The following SNTG1 variants were observed in gnomAD, a reference collection of about 807,000 sequenced individuals.
The protein encoded by SNTG1 is gamma-1-syntrophin.
Under a neutral mutation model 74.7 loss-of-function variants are expected in SNTG1, and 39 were observed. The observed-to-expected ratio is 0.52, with a 90% confidence interval of 0.40 to 0.68. The LOEUF (loss-of-function observed/expected upper bound fraction) is 0.68, where lower values mean the gene tolerates loss of function less well. Ranked by LOEUF, SNTG1 falls within the 30% of genes least tolerant of loss-of-function variation. SNTG1 has a pLI of 0.00. For synonymous variants in SNTG1, 254 were observed against 217.1 expected, an observed-to-expected ratio of 1.17 and a Z score of -1.49; for missense variants, 685 against 609.5, an observed-to-expected ratio of 1.12 and a Z score of -1.30.
intron 13 of SNTG1, among the ~76,000 whole-genome samples, chr8:50,655,495 G>C (rs2095174626): frequency 1.3e-5 from 2 of 152,134 alleles, no homozygotes; most frequent in African/African-American, 2.4e-5. Flanking sequence ...AATTAAAAGA[G>C]CAAGGCATCT....
chr8:50,558,742 A>G (rs2094470730), intron 12 of SNTG1, among the ~76,000 whole-genome samples: 1 of 152,128 alleles, frequency 6.6e-6, no homozygotes, highest in Non-Finnish European at 1.5e-5. Context: ...GTATCAGAAA[A>G]AAATAACTGC....
At chr8:50,586,927 C>A (rs897318505) in intron 12 of SNTG1, among the ~76,000 whole-genome samples, 1 of 151,524 alleles carries the variant, frequency 6.6e-6, no homozygotes, top group African/African-American at 2.4e-5. Flanking sequence ...TTATAAAATA[C>A]AAAGCAGCAA....
intron 1 of SNTG1, among the ~76,000 whole-genome samples, chr8:50,160,781 C>A (rs1404318204): frequency 6.6e-6 from 1 of 152,150 alleles, no homozygotes; most frequent in Admixed American, 6.5e-5. Context: ...TCATAGGGAT[C>A]TTGCAGAAGC....
chr8:50,680,497 G>A (rs1024696731), intron 15 of SNTG1, among the ~76,000 whole-genome samples: 1 of 152,126 alleles, frequency 6.6e-6, no homozygotes, highest in Non-Finnish European at 1.5e-5. Context: ...TGGACTTTAA[G>A]TGTTGTTCTT....
chr8:50,648,809 G>C (rs2095126613), intron 13 of SNTG1, among the ~76,000 whole-genome samples: 1 of 152,086 alleles, frequency 6.6e-6, no homozygotes, highest in Non-Finnish European at 1.5e-5. Context: ...CCATTGTGCT[G>C]CCTGCTCCCT....
Position 50,436,567 on chromosome 8 carries a change from T to A in SNTG1, c.163-1976T>A, listed in dbSNP as rs143018720. ...TTGCTATGTATTATTTATAAGCATT[T>A]TCCAAATTTGAAAACAGAGGCTTAT... On this transcript the variant is annotated intron_variant, in intron 4 of 18. Transcript: ENST00000642720. 2.1e-3 allele frequency among the ~76,000 whole-genome samples: 314 copies of A among 152,274 alleles called. 5 individuals carry two copies. Among genetic ancestry groups the A allele is most frequent in the African/African-American group, 7.1e-3 (294 of 41,564 alleles).
chr8:50,098,876 G>C (rs541781100), intron 1 of SNTG1, among the ~76,000 whole-genome samples: 9 of 152,162 alleles, frequency 5.9e-5, no homozygotes, highest in Admixed American at 3.9e-4. Flanking sequence ...TCATAACCTA[G>C]CAAAGAAGAC....
intron 4 of SNTG1, among the ~76,000 whole-genome samples, chr8:50,406,519 C>T (rs1020014113): frequency 9.2e-5 from 14 of 152,166 alleles, no homozygotes; most frequent in Admixed American, 3.3e-4. Flanking sequence ...ATTTGGATGA[C>T]TATTATTTCT....
intron 2 of SNTG1, among the ~76,000 whole-genome samples, chr8:50,337,192 A>G (rs954789119): frequency 2.0e-5 from 3 of 152,216 alleles, no homozygotes; most frequent in Admixed American, 2.0e-4. Flanking sequence ...GTATAGTGAC[A>G]ACTCTTCTTC....
intron 1 of SNTG1, among the ~76,000 whole-genome samples, chr8:50,075,138 C>A (rs756396102): frequency 1.3e-5 from 2 of 152,202 alleles, no homozygotes; most frequent in Non-Finnish European, 2.9e-5. Context: ...ATGCCCGAGC[C>A]TCTCCGCCTC....
chr8:50,145,319 G>C (rs568273039), intron 1 of SNTG1, among the ~76,000 whole-genome samples: 2 of 152,266 alleles, frequency 1.3e-5, no homozygotes, highest in Middle Eastern at 3.4e-3. Context: ...AATATATATA[G>C]CTAGATGGAA....
At chr8:50,401,013 T>C (rs1487182331) in intron 3 of SNTG1, among the ~76,000 whole-genome samples, 1 of 152,156 alleles carries the variant, frequency 6.6e-6, no homozygotes, top group East Asian at 1.9e-4. Context: ...ATTATCATGA[T>C]TTGATAATTA....
At chr8:50,517,526 G>A (rs1421115193) in intron 9 of SNTG1, among the ~76,000 whole-genome samples, 1 of 149,808 alleles carries the variant, frequency 6.7e-6, no homozygotes, top group Non-Finnish European at 1.5e-5. Flanking sequence ...AACCACTGGT[G>A]TGCTGTATTC....
At chr8:50,512,229 TGTTTAATA>T (rs1241738237) in intron 9 of SNTG1, among the ~76,000 whole-genome samples, 9 of 152,180 alleles carry the variant, frequency 5.9e-5, no homozygotes, top group Non-Finnish European at 1.0e-4. Context: ...TCTTTAAGAA[TGTTTAATA>T]TTGGCCCCCA....
chr8:50,163,863 G>A (rs1348396713), intron 1 of SNTG1: 1 of 152,118 alleles, frequency 6.6e-6, no homozygotes, highest in East Asian at 1.9e-4. Context: ...AATGGAACAT[G>A]ACAAGTTTAA....
intron 12 of SNTG1, among the ~76,000 whole-genome samples, chr8:50,565,507 A>G (rs2094511607): frequency 6.6e-6 from 1 of 152,064 alleles, no homozygotes. Flanking sequence ...TTACTTAAAT[A>G]TATTCATATA....
chr8:50,109,695 T>C lies in SNTG1; in HGVS notation c.-102-62866T>C, dbSNP rs554425062. ...GAGATCCTCGGTTCTTGGTCTTACT[T>C]GGGAGACAGATTTCTACTAAGTGAC... On this transcript the variant is annotated intron_variant, in intron 1 of 18. Transcript: ENST00000642720. Among the ~76,000 whole-genome samples, 7 of 152,240 alleles carry C rather than the reference T, an allele frequency of 4.6e-5. No individual in the cohort carries two copies. The East Asian group carries it at 1.4e-3, about 29-fold the overall frequency.
intron 11 of SNTG1, among the ~76,000 whole-genome samples, chr8:50,550,320 T>C (rs1440839782): frequency 6.6e-6 from 1 of 152,138 alleles, no homozygotes; most frequent in Non-Finnish European, 1.5e-5. Flanking sequence ...TACATTTTAG[T>C]CTCTGCAGCT....
chr8:50,569,588 G>A (rs1267675043), intron 12 of SNTG1, among the ~76,000 whole-genome samples: 1 of 151,770 alleles, frequency 6.6e-6, no homozygotes, highest in Non-Finnish European at 1.5e-5. Flanking sequence ...CATTGAAAAG[G>A]CTCAACAAAG....
Sources: allele counts gnomAD v4.1 joint callset (sites outside exome capture counted in the v4.1 genomes callset), GRCh38; gene constraint gnomAD v4.1.1; transcripts MANE v1.5; gene names NCBI Gene and HGNC (gene_info 2026-07-23, HGNC 2026-07-21).